Variants in OXR1 observed in about 807,000 individuals in gnomAD.
OXR1 encodes oxidation resistance protein 1.
Under a neutral mutation model 104.6 loss-of-function variants are expected in OXR1, and 41 were observed. The ratio of observed to expected loss-of-function variants is 0.39; its 90% CI spans 0.31 to 0.51. OXR1 has a LOEUF of 0.51. Among genes scored for constraint, OXR1 ranks in the 20% least tolerant of loss-of-function variants. The probability of loss-of-function intolerance (pLI) is 0.77; values close to 1 mark genes in which losing one functional copy is unlikely to be tolerated. For synonymous variants in OXR1, 348 were observed against 348.4 expected (o/e 1.00, Z 0.01); for missense variants, 955 against 1,031.9 (o/e 0.93, Z 1.02).
At position 106,684,473 on chromosome 8, in the gene OXR1, T is replaced by C. The variant is rs183420156; in HGVS notation, c.525+114T>C. The C allele has an allele frequency of 5.1e-5, 32 of 632,948 alleles. No individual in the cohort carries two copies. The East Asian group carries it at 8.4e-4, about 17-fold the overall frequency. 39.2% of individuals were successfully genotyped at this position (632,948 alleles called of 1,614,324 possible). A position where few individuals can be genotyped will look rare whatever the true frequency, so the allele number is the denominator to read the frequency against. On this transcript the variant is annotated intron_variant, in intron 6 of 16. Coordinates refer to ENST00000517566, the MANE Select transcript of OXR1 (RefSeq NM_001198533.2). ...ATGGTTAGAATGAAATATTTCCTTT[T>C]TATTTTGTTGCTTAAGTTTGTAAAT...
At chr8:106,600,154 A>G (rs1819858388) in intron 3 of OXR1, among the ~76,000 whole-genome samples, 1 of 152,176 alleles carries the variant, frequency 6.6e-6, no homozygotes, top group Non-Finnish European at 1.5e-5. Context: ...CCATATACTT[A>G]TTTGGGGCCA....
At chr8:106,662,196 G>A (rs1177101733) in intron 3 of OXR1, among the ~76,000 whole-genome samples, 1 of 152,114 alleles carries the variant, frequency 6.6e-6, no homozygotes, top group East Asian at 1.9e-4. Context: ...GCAAATTGTT[G>A]TACTAGGCAC....
At chr8:106,488,548 T>C (rs1430428105) in intron 2 of OXR1, among the ~76,000 whole-genome samples, 4 of 152,216 alleles carry the variant, frequency 2.6e-5, no homozygotes, top group Admixed American at 2.6e-4. Flanking sequence ...AGGGATTTTA[T>C]GGTTTTAGGT....
At chr8:106,534,623 C>T (rs555318465) in intron 3 of OXR1, among the ~76,000 whole-genome samples, 1 of 152,302 alleles carries the variant, frequency 6.6e-6, no homozygotes, top group East Asian at 1.9e-4. Context: ...ATTAGCAATT[C>T]ACTGGCTATT....
At chr8:106,704,777 T>C (rs970436344) in intron 8 of OXR1, among the ~76,000 whole-genome samples, 1 of 152,190 alleles carries the variant, frequency 6.6e-6, no homozygotes. Flanking sequence ...AAGGATGCTG[T>C]ATAGCTCTTC....
intron 13 of OXR1, 118 bp from the exon 14 acceptor site, chr8:106,740,225 T>G (rs1217605366): frequency 4.7e-6 from 3 of 632,676 alleles, no homozygotes; most frequent in Non-Finnish European, 8.1e-6. Context: ...TAATTTCTAC[T>G]GTTAATTTAT....
chr8:106,521,888 G>T (rs377359450), intron 3 of OXR1, among the ~76,000 whole-genome samples: 6 of 152,194 alleles, frequency 3.9e-5, no homozygotes, highest in African/African-American at 1.4e-4. Context: ...AGTGAAGGAA[G>T]CCTTGCCAAC....
rs929958870 is a variant in OXR1 at position 106,751,848 on chromosome 8, G to C, written c.*907G>C. ...ATTGCACACCAACTCCCAAAATATA[G>C]GTTACTCTTGTTCAAAAGGAAAAAA... On this transcript the variant is annotated 3_prime_UTR_variant, in exon 17 of 17. Coordinates refer to ENST00000517566, the MANE Select transcript of OXR1 (RefSeq NM_001198533.2). 2.0e-5 allele frequency: 3 copies of C among 152,242 alleles called. No homozygotes were observed. Among genetic ancestry groups the C allele is most frequent in the South Asian group, 2.1e-4 (1 of 4,812 alleles). The allele number at this position is 152,242 out of a possible 1,614,324, so 9.4% of individuals were successfully genotyped here. A position where few individuals can be genotyped will look rare whatever the true frequency, so the allele number is the denominator to read the frequency against.
intron 3 of OXR1, among the ~76,000 whole-genome samples, chr8:106,639,522 T>C (rs1262818597): frequency 6.6e-6 from 1 of 152,162 alleles, no homozygotes; most frequent in African/African-American, 2.4e-5. Flanking sequence ...ATTACCTTTT[T>C]GGTAAGACAA....
At chr8:106,644,641 T>TG (rs1253307267) in intron 3 of OXR1, among the ~76,000 whole-genome samples, 1 of 152,156 alleles carries the variant, frequency 6.6e-6, no homozygotes, top group Non-Finnish European at 1.5e-5. Context: ...CTGAGGCACC[T>TG]GGAGCGTAAA....
intron 9 of OXR1, among the ~76,000 whole-genome samples, chr8:106,709,819 A>G (rs812907): frequency 0.13 from 19,972 of 152,142 alleles, 1,582 homozygotes; most frequent in Non-Finnish European, 0.18. Flanking sequence ...TGTAATAAAT[A>G]TAAAAGTGTC....
intron 2 of OXR1, among the ~76,000 whole-genome samples, chr8:106,405,202 AGTGTGTGTGTGT>A (rs58338664): frequency 4.0e-4 from 8 of 20,034 alleles, no homozygotes; most frequent in South Asian, 5.1e-3. Flanking sequence ...ATATATATAT[AGTGTGTGTGTGT>A]GTGTGTGTGT....
intron 6 of OXR1, among the ~76,000 whole-genome samples, chr8:106,684,894 TTAA>T (rs1828541352): frequency 6.6e-6 from 1 of 152,202 alleles, no homozygotes; most frequent in Non-Finnish European, 1.5e-5. Context: ...TAAACTTCAT[TTAA>T]TAATTTTGAT....
chr8:106,365,351 C>T (rs1182528250), intron 2 of OXR1, among the ~76,000 whole-genome samples: 1 of 147,688 alleles, frequency 6.8e-6, no homozygotes, highest in Non-Finnish European at 1.5e-5. Context: ...TGGAAATGGT[C>T]AGCTTGTAAA....
rs1315784192 is a variant in OXR1 at position 106,726,305 on chromosome 8, C to A, written c.1957-11215C>A. On this transcript the variant is annotated intron_variant, in intron 11 of 16. Coordinates refer to ENST00000517566, the MANE Select transcript of OXR1 (RefSeq NM_001198533.2). ...CATCAACCAATTAATCATAAATACACTCTGGTAAATCTTAGTCAATTATTT... is the reference window on the plus strand; with the variant it reads ...CATCAACCAATTAATCATAAATACAATCTGGTAAATCTTAGTCAATTATTT... The A allele has an allele frequency of 4.0e-6, 6 of 1,482,798 alleles. No individual in the cohort carries two copies. The South Asian group carries it at 7.3e-5, about 18-fold the overall frequency. 91.9% of individuals were successfully genotyped at this position (1,482,798 alleles called of 1,614,324 possible).
chr8:106,595,550 C>CAAAAAAAAAAAAA (rs67790797), intron 3 of OXR1, among the ~76,000 whole-genome samples: 1 of 60,726 alleles, frequency 1.6e-5, no homozygotes, highest in African/African-American at 5.3e-5. Flanking sequence ...AACTCCGTCT[C>CAAAAAAAAAAAAA]AAAAAAAAAA....
intron 3 of OXR1, chr8:106,605,182 A>C (rs924426626): frequency 6.6e-6 from 1 of 152,218 alleles, no homozygotes; most frequent in Non-Finnish European, 1.5e-5. Flanking sequence ...TTTTTAGAAG[A>C]GTTTGCTGTA....
chr8:106,736,819 T>C (rs1455395116), intron 11 of OXR1, among the ~76,000 whole-genome samples: 1 of 151,528 alleles, frequency 6.6e-6, no homozygotes, highest in Non-Finnish European at 1.5e-5. Context: ...AAATAAATGA[T>C]ACAGTAAAAA....
chr8:106,502,784 C>T (rs867660582), intron 2 of OXR1, among the ~76,000 whole-genome samples: 2 of 152,238 alleles, frequency 1.3e-5, no homozygotes, highest in Middle Eastern at 6.8e-3. Flanking sequence ...ACTCCTGTAC[C>T]TTTACCTGTT....
Sources: allele counts gnomAD v4.1 joint callset (sites outside exome capture counted in the v4.1 genomes callset), GRCh38; gene constraint gnomAD v4.1.1; transcripts MANE v1.5; gene names NCBI Gene and HGNC (gene_info 2026-07-23, HGNC 2026-07-21).